The following PRSS23 variants were observed in gnomAD, a reference collection of about 807,000 sequenced individuals.
PRSS23 encodes the protein protease, serine 23.
In PRSS23, 25 loss-of-function variants were observed where a neutral mutation model predicts 34.7. The observed-to-expected ratio is 0.72, with a 90% CI of 0.53 to 1.01. The LOEUF (loss-of-function observed/expected upper bound fraction) is 1.01. Ranked by LOEUF, PRSS23 falls within the 50% of genes least tolerant of loss-of-function variation. The pLI is 0.00. For missense variants in PRSS23, 445 were observed against 475.6 expected (o/e 0.94, Z 0.60); for synonymous variants, 176 against 186.6 (o/e 0.94, Z 0.46).
At chr11:86,920,119 G>C (rs1949038433) in intron 2 of PRSS23, among the ~76,000 whole-genome samples, 1 of 152,146 alleles carries the variant, frequency 6.6e-6, no homozygotes, top group Admixed American at 6.5e-5. Context: ...CCCAGAGAGG[G>C]ACCTGGGCAA....
chr11:86,952,570 A>G lies in PRSS23; in HGVS notation c.*1285A>G, dbSNP rs1184469125. ...TGAGTTGAATGCTTCCAGGCAATCT[A>G]GGTATCTACTTTTAAACCAACCTAT... On this transcript the variant is annotated 3_prime_UTR_variant, in exon 3 of 3. Transcript: ENST00000533902. The G allele has an allele frequency of 1.4e-5, 19 of 1,349,722 alleles. No individual in the cohort carries two copies. The East Asian group carries it at 2.5e-4, about 18-fold the overall frequency. The allele number at this position is 1,349,722 out of a possible 1,614,324, so 83.6% of individuals were successfully genotyped here.
chr11:86,800,349 G>C (rs1302042043), upstream of PRSS23: 19 of 710,916 alleles, frequency 2.7e-5, no homozygotes, highest in Non-Finnish European at 2.4e-5. Context: ...AGGGACGCTC[G>C]GCCTCAGGCC....
At chr11:86,873,205 C>T (rs1366180065) in intron 2 of PRSS23, among the ~76,000 whole-genome samples, 61 of 134,240 alleles carry the variant, frequency 4.5e-4, no homozygotes, top group East Asian at 4.2e-4. Context: ...TATACACACA[C>T]ACACACACAC....
intron 2 of PRSS23, among the ~76,000 whole-genome samples, chr11:86,880,262 G>A (rs910372864): frequency 2.0e-5 from 3 of 150,076 alleles, no homozygotes; most frequent in Admixed American, 6.6e-5. Flanking sequence ...CTCATTAAGA[G>A]TCATCACCAC....
At chr11:86,868,529 T>TA (rs1447024507) in intron 2 of PRSS23, among the ~76,000 whole-genome samples, 1 of 152,124 alleles carries the variant, frequency 6.6e-6, no homozygotes, top group Non-Finnish European at 1.5e-5. Flanking sequence ...GGTGACTTTT[T>TA]ATTATAGGGA....
intron 2 of PRSS23, among the ~76,000 whole-genome samples, chr11:86,939,401 A>AT (rs1555083983): frequency 0.011 from 648 of 56,814 alleles, 7 homozygotes; most frequent in African/African-American, 0.027. Flanking sequence ...GTTAAAAAAA[A>AT]AAATATATAT....
intron 2 of PRSS23, among the ~76,000 whole-genome samples, chr11:86,860,115 T>A (rs1322918401): frequency 4.0e-5 from 6 of 151,824 alleles, no homozygotes; most frequent in African/African-American, 1.5e-4. Context: ...AGGATGATAT[T>A]GCTCCCAATA....
At chr11:86,825,199 G>GCATCATTGAGA (rs1376756880) in intron 2 of PRSS23, among the ~76,000 whole-genome samples, 4 of 151,750 alleles carry the variant, frequency 2.6e-5, no homozygotes, top group Non-Finnish European at 4.4e-5. Flanking sequence ...GTATCTCATT[G>GCATCATTGAGA]TGGTTTTGAT....
Position 86,951,585 on chromosome 11 carries a change from C to T in PRSS23, c.*300C>T, listed in dbSNP as rs369255094. 33 of 1,614,016 alleles carry T rather than the reference C, an allele frequency of 2.0e-5. No homozygotes were observed. The highest frequency in any genetic ancestry group is 5.3e-5 in the African/African-American group (4 of 74,914). ...AAATAAGTAAAGAGGGGAGCCACCA[C>T]GAACCCGGTGAGGGCATCGAGATTT... is the stretch of plus-strand genomic sequence containing the variant. On this transcript the variant is annotated 3_prime_UTR_variant, in exon 3 of 3. Transcript: ENST00000533902.
intron 2 of PRSS23, chr11:86,934,550 AAGG>A (rs1949148602): frequency 6.6e-6 from 1 of 152,198 alleles, no homozygotes; most frequent in Non-Finnish European, 1.5e-5. Flanking sequence ...GGGTGGCTGA[AAGG>A]AGAAGTATCT....
chr11:86,802,217 G>T (rs1948048390), intron 1 of PRSS23, among the ~76,000 whole-genome samples: 1 of 152,216 alleles, frequency 6.6e-6, no homozygotes, highest in Non-Finnish European at 1.5e-5. Context: ...ATATTAGCAG[G>T]TTTTTTTGCA....
upstream of PRSS23, among the ~76,000 whole-genome samples, chr11:86,797,514 T>C (rs2135590133): frequency 6.6e-6 from 1 of 152,292 alleles, no homozygotes; most frequent in Middle Eastern, 3.4e-3. Context: ...TATTAGCTCT[T>C]TGGATAGTGG....
At chr11:86,799,171 G>C (rs898125255), upstream of PRSS23, among the ~76,000 whole-genome samples, 1 of 152,144 alleles carries the variant, frequency 6.6e-6, no homozygotes, top group Non-Finnish European at 1.5e-5. Flanking sequence ...CTTGAGCCCA[G>C]GAGGTCTACG....
At chr11:86,824,005 CAAAAAAA>C (rs55884309) in intron 2 of PRSS23, among the ~76,000 whole-genome samples, 6 of 30,502 alleles carry the variant, frequency 2.0e-4, no homozygotes, top group South Asian at 1.6e-3. Context: ...GACTCCGTCT[CAAAAAAA>C]AAAAAAAAAA....
intron 2 of PRSS23, among the ~76,000 whole-genome samples, chr11:86,870,272 A>AACT (rs1269197827): frequency 6.6e-6 from 1 of 151,420 alleles, no homozygotes; most frequent in Non-Finnish European, 1.5e-5. Context: ...AAACAACAAC[A>AACT]AAACCTACCA....
chr11:86,845,508 A>G (rs1432336783), intron 2 of PRSS23, among the ~76,000 whole-genome samples: 8 of 152,204 alleles, frequency 5.3e-5, no homozygotes, highest in Non-Finnish European at 1.2e-4. Context: ...GATCAACAAG[A>G]AATCAACTCA....
At chr11:86,800,384 G>C (rs1337039889), upstream of PRSS23, 11 of 925,404 alleles carry the variant, frequency 1.2e-5, no homozygotes, top group African/African-American at 1.4e-4. Context: ...ACCCTGCTCC[G>C]GCCGCAGGCG....
intron 2 of PRSS23, among the ~76,000 whole-genome samples, chr11:86,892,732 ATAT>A (rs35083490): frequency 0.32 from 49,124 of 151,770 alleles, 9,050 homozygotes; most frequent in Non-Finnish European, 0.41. Context: ...TTAATTATTA[ATAT>A]TATTATTGCC....
At chr11:86,931,659 T>G (rs1283986222) in intron 2 of PRSS23, among the ~76,000 whole-genome samples, 1 of 152,186 alleles carries the variant, frequency 6.6e-6, no homozygotes. Flanking sequence ...ACATGGCAGT[T>G]ACCCAGTGTA....
Sources: allele counts gnomAD v4.1 joint callset (sites outside exome capture counted in the v4.1 genomes callset), GRCh38; gene constraint gnomAD v4.1.1; transcripts MANE v1.5; gene names NCBI Gene and HGNC (gene_info 2026-07-23, HGNC 2026-07-21).